The following NRXN3 variants were observed in gnomAD, a reference collection of about 807,000 sequenced individuals.
NRXN3 encodes neurexin III.
A neutral mutation model predicts 137.6 loss-of-function variants in NRXN3; 32 were observed. The ratio of observed to expected loss-of-function variants is 0.23; its 90% CI spans 0.18 to 0.31. NRXN3 has a LOEUF of 0.31. NRXN3 is among the 10% of genes least tolerant of loss of function. The pLI is 1.00. For synonymous variants in NRXN3, 798 were observed against 784.5 expected, an observed-to-expected ratio of 1.02 and a Z score of -0.29; for missense variants, 1,574 against 2,062.5, an observed-to-expected ratio of 0.76 and a Z score of 4.59.
intron 15 of NRXN3, among the ~76,000 whole-genome samples, chr14:79,234,822 T>C (rs898834868): frequency 6.6e-6 from 1 of 152,058 alleles, no homozygotes; most frequent in African/African-American, 2.4e-5. Context: ...GTAATATTCC[T>C]TGACAGAATA....
At chr14:78,599,249 G>A (rs1225360595) in intron 4 of NRXN3, among the ~76,000 whole-genome samples, 1 of 152,218 alleles carries the variant, frequency 6.6e-6, no homozygotes, top group Non-Finnish European at 1.5e-5. Context: ...CACATTTCAT[G>A]GCATCGAAGA....
chr14:79,250,229 GAATGAGGT>G (rs1251422615), intron 15 of NRXN3, among the ~76,000 whole-genome samples: 1 of 152,148 alleles, frequency 6.6e-6, no homozygotes, highest in Non-Finnish European at 1.5e-5. Flanking sequence ...ATAAATGAGT[GAATGAGGT>G]AATATAATTG....
chr14:79,059,461 G>A (rs1301393931), intron 15 of NRXN3, among the ~76,000 whole-genome samples: 9 of 151,850 alleles, frequency 5.9e-5, no homozygotes, highest in Admixed American at 5.9e-4. Context: ...GTTTCACCGT[G>A]TTAGCCAGGA....
chr14:78,652,881 T>A (rs1330979355), intron 6 of NRXN3, among the ~76,000 whole-genome samples: 4 of 152,182 alleles, frequency 2.6e-5, no homozygotes, highest in African/African-American at 9.6e-5. Flanking sequence ...GGAAGGGAGA[T>A]GAGATCAGTG....
chr14:79,309,846 G>A (rs963860165), intron 15 of NRXN3, among the ~76,000 whole-genome samples: 20 of 133,984 alleles, frequency 1.5e-4, no homozygotes, highest in Non-Finnish European at 2.6e-4. Flanking sequence ...TTTGTCAGAT[G>A]AGTAGGTTGT....
At chr14:79,170,748 A>G (rs777198930) in intron 15 of NRXN3, among the ~76,000 whole-genome samples, 2 of 151,986 alleles carry the variant, frequency 1.3e-5, no homozygotes, top group Non-Finnish European at 2.9e-5. Flanking sequence ...TAGTGTACCA[A>G]ATCTCTTAAA....
intron 15 of NRXN3, among the ~76,000 whole-genome samples, chr14:79,408,713 C>A (rs547046845): frequency 3.9e-5 from 6 of 152,054 alleles, no homozygotes; most frequent in African/African-American, 1.4e-4. Flanking sequence ...CTTCAACTTT[C>A]TTTTCACTTT....
At chr14:79,473,736 T>A (rs963230902) in intron 16 of NRXN3, among the ~76,000 whole-genome samples, 3 of 147,722 alleles carry the variant, frequency 2.0e-5, no homozygotes, top group African/African-American at 7.5e-5. Flanking sequence ...CGTATTTCCT[T>A]CCATCGCTAT....
chr14:78,941,400 G>C (rs1299837757), intron 10 of NRXN3, among the ~76,000 whole-genome samples: 1 of 152,142 alleles, frequency 6.6e-6, no homozygotes, highest in Non-Finnish European at 1.5e-5. Context: ...TACCCGTGGT[G>C]CTTCTCAAAA....
intron 4 of NRXN3, among the ~76,000 whole-genome samples, chr14:78,557,004 T>A (rs2096744752): frequency 9.4e-6 from 1 of 106,306 alleles, no homozygotes; most frequent in Admixed American, 9.4e-5. Context: ...CCTTCTCTCT[T>A]CTCTTCCCTC....
intron 15 of NRXN3, among the ~76,000 whole-genome samples, chr14:79,159,802 T>C (rs1355170216): frequency 6.6e-6 from 1 of 151,896 alleles, no homozygotes; most frequent in Non-Finnish European, 1.5e-5. Flanking sequence ...TCTTACTCCC[T>C]CAAACTAGAT....
At chr14:79,608,645 G>A (rs1196894657) in intron 16 of NRXN3, among the ~76,000 whole-genome samples, 1 of 152,210 alleles carries the variant, frequency 6.6e-6, no homozygotes, top group Non-Finnish European at 1.5e-5. Flanking sequence ...CCTGGCAATG[G>A]CTGTGGTCCA....
In NRXN3 at chr14:78,256,028, G is replaced by A. The variant is rs185500215; in HGVS notation, c.709+12226G>A. 4.1e-3 allele frequency among the ~76,000 whole-genome samples: 625 copies of A among 152,260 alleles called. 5 individuals carry two copies. The highest frequency in any genetic ancestry group is 5.8e-3 in the Non-Finnish European group (396 of 68,012). ...ACAGTTTTTGTTGAATCTGTGTCAAGCACATACACATTCCGCTTGGTTTGA... is the reference window on the plus strand; with the variant it reads ...ACAGTTTTTGTTGAATCTGTGTCAAACACATACACATTCCGCTTGGTTTGA... On this transcript the variant is annotated intron_variant, in intron 2 of 20. Transcript: ENST00000335750.
At chr14:79,007,514 AAAAC>A (rs2099555630) in intron 15 of NRXN3, among the ~76,000 whole-genome samples, 4 of 151,986 alleles carry the variant, frequency 2.6e-5, no homozygotes, top group Non-Finnish European at 4.4e-5. Flanking sequence ...CAAACAAAAA[AAAAC>A]AAAAAGTCTG....
chr14:78,566,699 C>T (rs565371064), intron 4 of NRXN3, among the ~76,000 whole-genome samples: 1 of 152,240 alleles, frequency 6.6e-6, no homozygotes, highest in South Asian at 2.1e-4. Flanking sequence ...TTATCGAGTC[C>T]CTCTGAGATG....
intron 10 of NRXN3, among the ~76,000 whole-genome samples, chr14:78,921,105 C>G (rs1318085358): frequency 1.3e-5 from 2 of 152,156 alleles, no homozygotes; most frequent in Non-Finnish European, 2.9e-5. Flanking sequence ...CAGTCCTCAT[C>G]CTAAAGCAAA....
chr14:79,689,086 G>A (rs1291272201), intron 17 of NRXN3, among the ~76,000 whole-genome samples: 1 of 152,082 alleles, frequency 6.6e-6, no homozygotes, highest in South Asian at 2.1e-4. Context: ...ATGCACGTAT[G>A]CCTCCTTTTA....
chr14:79,277,795 C>G (rs2080529537), intron 15 of NRXN3, among the ~76,000 whole-genome samples: 1 of 152,140 alleles, frequency 6.6e-6, no homozygotes, highest in Non-Finnish European at 1.5e-5. Context: ...GGGCCATTTC[C>G]TGGGGGGCTG....
At chr14:78,543,728 A>G (rs999949343) in intron 4 of NRXN3, among the ~76,000 whole-genome samples, 12 of 152,008 alleles carry the variant, frequency 7.9e-5, no homozygotes, top group Admixed American at 7.9e-4. Flanking sequence ...TTATTGTTAC[A>G]TGTTTGTTTT....
Sources: allele counts gnomAD v4.1 joint callset (sites outside exome capture counted in the v4.1 genomes callset), GRCh38; gene constraint gnomAD v4.1.1; transcripts MANE v1.5; gene names NCBI Gene and HGNC (gene_info 2026-07-23, HGNC 2026-07-21).